Variants in SLCO3A1 observed in about 807,000 individuals in gnomAD.
SLCO3A1 encodes solute carrier organic anion transporter family member 3A1.
Under a neutral mutation model 63.1 loss-of-function variants are expected in SLCO3A1, and 27 were observed. That is an observed-to-expected ratio of 0.43 (90% CI 0.32 to 0.59). SLCO3A1 has a LOEUF of 0.59. SLCO3A1 is among the 20% of genes least tolerant of loss of function. The pLI is 0.09. For missense variants in SLCO3A1, 773 were observed against 945.8 expected (o/e 0.82, Z 2.40); for synonymous variants, 473 against 409.9 (o/e 1.15, Z -1.86).
At chr15:91,978,538 G>T (rs1019544002) in intron 2 of SLCO3A1, among the ~76,000 whole-genome samples, 19 of 152,170 alleles carry the variant, frequency 1.2e-4, no homozygotes, top group African/African-American at 4.3e-4. Flanking sequence ...CTTGGCGTCT[G>T]TTCTGTATTC....
At chr15:92,044,907 T>G (rs1167510191) in intron 2 of SLCO3A1, among the ~76,000 whole-genome samples, 1 of 152,182 alleles carries the variant, frequency 6.6e-6, no homozygotes, top group Non-Finnish European at 1.5e-5. Flanking sequence ...CTGCTTCTCC[T>G]TGGCCTGAAC....
chr15:92,016,266 A>ATTGAT lies in SLCO3A1; in HGVS notation c.647-78614_647-78613insTGATT, dbSNP rs33962041. Among the ~76,000 whole-genome samples the ATTGAT allele has an allele frequency of 8.5e-4, 115 of 135,008 alleles. 1 individual carries two copies. Among genetic ancestry groups the ATTGAT allele is most frequent in the African/African-American group, 2.3e-3 (83 of 35,542 alleles). The allele number at this position is 135,008 out of a possible 152,430, so 88.6% of individuals were successfully genotyped here. A position where few individuals can be genotyped will look rare whatever the true frequency, so the allele number is the denominator to read the frequency against. On this transcript the variant is annotated intron_variant, in intron 2 of 9. Transcript: ENST00000318445. ...ATAGATAGATAGATTAGATAGATAGATAGATAGATAGATAGATGTTATAGA... is the reference window on the plus strand; with the variant it reads ...ATAGATAGATAGATTAGATAGATAGATTGATTAGATAGATAGATAGATGTTATAGA...
intron 2 of SLCO3A1, among the ~76,000 whole-genome samples, chr15:91,958,410 A>T (rs1219248827): frequency 2.0e-5 from 3 of 152,190 alleles, no homozygotes; most frequent in South Asian, 2.1e-4. Context: ...TGGAGCAAAG[A>T]TGGGCACTGG....
intron 7 of SLCO3A1, among the ~76,000 whole-genome samples, chr15:92,145,810 C>T (rs1022193182): frequency 6.6e-6 from 1 of 152,152 alleles, no homozygotes; most frequent in Non-Finnish European, 1.5e-5. Context: ...GGGTGGAGCC[C>T]CAGCGTACGT....
chr15:91,884,466 C>G (rs1277944687), intron 1 of SLCO3A1, among the ~76,000 whole-genome samples: 1 of 146,532 alleles, frequency 6.8e-6, no homozygotes, highest in Admixed American at 6.9e-5. Flanking sequence ...GAGCCGAGAT[C>G]GCGTCACTGC....
chr15:92,054,907 A>G (rs970492610), intron 2 of SLCO3A1, among the ~76,000 whole-genome samples: 2 of 152,182 alleles, frequency 1.3e-5, no homozygotes, highest in Non-Finnish European at 2.9e-5. Context: ...TGCTGCAATG[A>G]ATATTCACAT....
intron 2 of SLCO3A1, among the ~76,000 whole-genome samples, chr15:91,932,472 G>T (rs891683080): frequency 4.0e-5 from 6 of 151,656 alleles, no homozygotes; most frequent in Admixed American, 1.3e-4. Context: ...TTGAGACAGG[G>T]TCTTGCTCTA....
intron 2 of SLCO3A1, among the ~76,000 whole-genome samples, chr15:92,048,425 A>G (rs577383935): frequency 1.1e-4 from 16 of 152,242 alleles, no homozygotes; most frequent in African/African-American, 3.6e-4. Context: ...GTTGACTGCA[A>G]TAATCCAGAC....
At position 91,978,665 on chromosome 15, in the gene SLCO3A1, T is replaced by A. The variant is rs116184912; in HGVS notation, c.646+62207T>A. ...GAATTTTCCCATTGGAGTTTATTTA[T>A]TAACCCAGGTTTACCTTTTTATTAT... is the stretch of plus-strand genomic sequence containing the variant. On this transcript the variant is annotated intron_variant, in intron 2 of 9. Transcript: ENST00000318445. Among the ~76,000 whole-genome samples, 1,089 of 152,382 alleles carry A rather than the reference T, an allele frequency of 7.1e-3. 13 individuals are homozygous for A. Among genetic ancestry groups the A allele is most frequent in the African/African-American group, 0.025 (1,049 of 41,592 alleles).
intron 3 of SLCO3A1, among the ~76,000 whole-genome samples, chr15:92,097,707 CTTTG>C (rs1323825523): frequency 2.0e-5 from 3 of 152,186 alleles, no homozygotes; most frequent in Admixed American, 6.5e-5. Context: ...CAGTCACGGT[CTTTG>C]TTTGCGTCCT....
At position 91,872,533 on chromosome 15, in the gene SLCO3A1, CA is replaced by C. The variant is rs373474398; in HGVS notation, c.180+18456del. On this transcript the variant is annotated intron_variant, in intron 1 of 9. Coordinates refer to ENST00000318445, the MANE Select transcript of SLCO3A1 (RefSeq NM_013272.4). This position sits in a 1 kb window ranked among gnomAD's most constrained non-coding sequence, Gnocchi z 4.1. ...AGGGCAACAAAATGAGACTCCGTCT[CA>C]AAAAAAAAAAGAAAAGAAAAAAGAA... 3.0e-4 allele frequency among the ~76,000 whole-genome samples: 41 copies of C among 136,170 alleles called. No homozygotes were observed. The highest frequency in any genetic ancestry group is 3.0e-4 in the Non-Finnish European group (19 of 62,370). 89.3% of individuals were successfully genotyped at this position (136,170 alleles called of 152,430 possible). A position where few individuals can be genotyped will look rare whatever the true frequency, so the allele number is the denominator to read the frequency against.
intron 1 of SLCO3A1, among the ~76,000 whole-genome samples, chr15:91,887,397 T>TTGCC (rs1555447020): frequency 1.3e-5 from 2 of 151,956 alleles, no homozygotes; most frequent in Middle Eastern, 3.4e-3. Context: ...CCCTCTTTGC[T>TTGCC]TGCCTGCCTG....
At chr15:92,039,822 C>T (rs1044392114) in intron 2 of SLCO3A1, among the ~76,000 whole-genome samples, 1 of 152,134 alleles carries the variant, frequency 6.6e-6, no homozygotes, top group Non-Finnish European at 1.5e-5. Flanking sequence ...ACCCAAATGC[C>T]CATCATGATA....
chr15:91,926,609 G>T (rs555474124), intron 2 of SLCO3A1, among the ~76,000 whole-genome samples: 1 of 150,032 alleles, frequency 6.7e-6, no homozygotes, highest in African/African-American at 2.4e-5. Flanking sequence ...GCGCGCGCAC[G>T]CCCATGCTTA....
intron 7 of SLCO3A1, among the ~76,000 whole-genome samples, chr15:92,130,205 G>T (rs1337736527): frequency 6.6e-6 from 1 of 152,220 alleles, no homozygotes; most frequent in Admixed American, 6.5e-5. Flanking sequence ...GCATGTACAG[G>T]AGTCTTATTG....
intron 2 of SLCO3A1, among the ~76,000 whole-genome samples, chr15:92,006,341 C>T (rs1429037636): frequency 6.6e-6 from 1 of 152,164 alleles, no homozygotes; most frequent in African/African-American, 2.4e-5. Context: ...TAAGCTACAG[C>T]TTCTATGAGC....
chr15:91,991,318 A>T (rs2046123763), intron 2 of SLCO3A1, among the ~76,000 whole-genome samples: 1 of 152,194 alleles, frequency 6.6e-6, no homozygotes, highest in African/African-American at 2.4e-5. Flanking sequence ...CCATGATGGC[A>T]CTACTGCACT....
chr15:91,933,950 T>A (rs1428404180), intron 2 of SLCO3A1, among the ~76,000 whole-genome samples: 2 of 152,216 alleles, frequency 1.3e-5, no homozygotes, highest in Non-Finnish European at 2.9e-5. Flanking sequence ...TCACGTGCCC[T>A]GTCCCCAGGG....
intron 1 of SLCO3A1, among the ~76,000 whole-genome samples, chr15:91,871,903 GAA>G (rs769284429): frequency 6.7e-6 from 1 of 149,998 alleles, no homozygotes; most frequent in South Asian, 2.1e-4. Flanking sequence ...AGCAACATTT[GAA>G]AAGATTGTGT....
Sources: gnomAD v4.1 joint callset for allele counts (sites outside exome capture counted in the v4.1 genomes callset) on GRCh38, gnomAD v4.1.1 for gene constraint, Gnocchi (gnomAD v3.1) non-coding constraint, MANE v1.5 for transcripts, NCBI Gene and HGNC (gene_info 2026-07-23, HGNC 2026-07-21) for gene names.